Variants in CERS3 observed in about 807,000 individuals in gnomAD.
CERS3 encodes the protein ceramide synthase 3.
CERS3 carries 33 observed loss-of-function variants against 50.3 expected under a neutral mutation model. The ratio of observed to expected loss-of-function variants is 0.66; its 90% confidence interval spans 0.50 to 0.88. CERS3 has a LOEUF of 0.88. CERS3 is among the 40% of genes least tolerant of loss of function. The pLI, the probability that CERS3 is intolerant of heterozygous loss-of-function variation, is 0.00. For synonymous variants in CERS3, 176 were observed against 155.2 expected (o/e 1.13, Z -0.99); for missense variants, 470 against 460.3 (o/e 1.02, Z -0.19).
chr15:100,433,758 C>T (rs927001615), intron 11 of CERS3, among the ~76,000 whole-genome samples: 5 of 152,276 alleles, frequency 3.3e-5, no homozygotes, highest in African/African-American at 1.2e-4. Flanking sequence ...CACACACAAA[C>T]ACTCTCAACT....
intron 11 of CERS3, among the ~76,000 whole-genome samples, chr15:100,451,500 G>A (rs933044489): frequency 6.6e-6 from 1 of 152,120 alleles, no homozygotes; most frequent in Non-Finnish European, 1.5e-5. Flanking sequence ...TCAGGAGATT[G>A]AGACCATCCG....
chr15:100,502,571 AG>A (rs1194570719), intron 2 of CERS3, among the ~76,000 whole-genome samples: 2 of 152,356 alleles, frequency 1.3e-5, no homozygotes, highest in South Asian at 2.1e-4. Flanking sequence ...AATCATCACT[AG>A]TACCCTAAAA....
chr15:100,515,148 C>T (rs576905595), intron 2 of CERS3, among the ~76,000 whole-genome samples: 2 of 152,104 alleles, frequency 1.3e-5, no homozygotes, highest in African/African-American at 4.8e-5. Context: ...GTTTCATATA[C>T]AAAAGCTAAT....
chr15:100,522,420 AAGTATAAC>A (rs2036665126), intron 1 of CERS3, among the ~76,000 whole-genome samples: 1 of 152,220 alleles, frequency 6.6e-6, no homozygotes, highest in Non-Finnish European at 1.5e-5. Flanking sequence ...ATAATTATTG[AAGTATAAC>A]ATACAGATGG....
chr15:100,465,879 G>A (rs187307017), intron 10 of CERS3, among the ~76,000 whole-genome samples: 3 of 152,034 alleles, frequency 2.0e-5, no homozygotes, highest in South Asian at 2.1e-4. Flanking sequence ...GGCTGGTCTC[G>A]AACTCCTGAC....
chr15:100,420,330 G>C (rs1001989034), intron 11 of CERS3, among the ~76,000 whole-genome samples: 1 of 151,998 alleles, frequency 6.6e-6, no homozygotes, highest in Admixed American at 6.6e-5. Context: ...AGAAAGTCTA[G>C]AAGAAATGGA....
At chr15:100,448,275 A>G (rs1411798634) in intron 11 of CERS3, among the ~76,000 whole-genome samples, 4 of 152,200 alleles carry the variant, frequency 2.6e-5, no homozygotes, top group Non-Finnish European at 5.9e-5. Context: ...CACACTTTGA[A>G]CAGATCCTCT....
At chr15:100,543,580 A>G (rs1596843146) in intron 1 of CERS3, among the ~76,000 whole-genome samples, 3 of 143,070 alleles carry the variant, frequency 2.1e-5, no homozygotes, top group African/African-American at 5.3e-5. Flanking sequence ...CCCAGGCTGG[A>G]GTGCAATGGC....
At chr15:100,470,607 C>T (rs562022053) in intron 9 of CERS3, among the ~76,000 whole-genome samples, 1 of 152,154 alleles carries the variant, frequency 6.6e-6, no homozygotes, top group South Asian at 2.1e-4. Context: ...GGAGAGGATC[C>T]CTGTGAGTCC....
chr15:100,518,290 A>G (rs983601753), intron 2 of CERS3, among the ~76,000 whole-genome samples: 1 of 152,202 alleles, frequency 6.6e-6, no homozygotes, highest in Non-Finnish European at 1.5e-5. Context: ...AGAGACAGAG[A>G]GAGACACACA....
intron 10 of CERS3, among the ~76,000 whole-genome samples, chr15:100,466,615 G>T (rs1017053523): frequency 6.6e-6 from 1 of 151,762 alleles, no homozygotes; most frequent in African/African-American, 2.4e-5. Context: ...GGTGCCATGC[G>T]ATGAGGAGGC....
intron 10 of CERS3, among the ~76,000 whole-genome samples, chr15:100,461,477 C>A (rs886967619): frequency 1.3e-5 from 2 of 152,182 alleles, no homozygotes; most frequent in Non-Finnish European, 2.9e-5. Flanking sequence ...TCTCTCTGGG[C>A]TTCAGTTTCT....
chr15:100,507,387 G>C (rs1398430551), intron 2 of CERS3, among the ~76,000 whole-genome samples: 1 of 152,178 alleles, frequency 6.6e-6, no homozygotes, highest in Non-Finnish European at 1.5e-5. Flanking sequence ...CTCAAGATGA[G>C]ATCAGAGGCT....
intron 2 of CERS3, among the ~76,000 whole-genome samples, chr15:100,515,479 C>G (rs547415739): frequency 6.6e-6 from 1 of 152,256 alleles, no homozygotes; most frequent in South Asian, 2.1e-4. Flanking sequence ...CTTATCTTGG[C>G]CTGATCATTA....
At chr15:100,497,723 C>A (rs928069187) in intron 3 of CERS3, among the ~76,000 whole-genome samples, 4 of 152,032 alleles carry the variant, frequency 2.6e-5, no homozygotes, top group African/African-American at 9.7e-5. Context: ...ACATTCATAG[C>A]ATCCTTGCTG....
At chr15:100,455,516 A>G (rs1428416200) in intron 11 of CERS3, among the ~76,000 whole-genome samples, 1 of 152,186 alleles carries the variant, frequency 6.6e-6, no homozygotes, top group Non-Finnish European at 1.5e-5. Flanking sequence ...GATACCCCAA[A>G]TGTCCTGAAT....
chr15:100,511,407 TA>T (rs2036334879), intron 2 of CERS3, among the ~76,000 whole-genome samples: 1 of 152,084 alleles, frequency 6.6e-6, no homozygotes, highest in East Asian at 1.9e-4. Flanking sequence ...TAACTCAATT[TA>T]AAAAAATAAT....
At chr15:100,506,862 T>G (rs1288006127) in intron 2 of CERS3, among the ~76,000 whole-genome samples, 1 of 152,236 alleles carries the variant, frequency 6.6e-6, no homozygotes, top group Non-Finnish European at 1.5e-5. Flanking sequence ...TTGAATGTGG[T>G]GTTGGTTGCA....
intron 5 of CERS3, among the ~76,000 whole-genome samples, chr15:100,484,172 A>G (rs1596741072): frequency 6.6e-6 from 1 of 152,090 alleles, no homozygotes; most frequent in East Asian, 1.9e-4. Flanking sequence ...TACAGGTGAT[A>G]AAGTCTGGTG....
Sources: gnomAD v4.1 joint callset for allele counts (sites outside exome capture counted in the v4.1 genomes callset) on GRCh38, gnomAD v4.1.1 for gene constraint, MANE v1.5 for transcripts, NCBI Gene and HGNC (gene_info 2026-07-23, HGNC 2026-07-21) for gene names.